Variants in ARPC5L observed in about 807,000 individuals in gnomAD.
ARPC5L encodes the protein actin-related protein 2/3 complex subunit 5-like protein.
A neutral mutation model predicts 16.9 loss-of-function variants in ARPC5L; 4 were observed. The observed-to-expected ratio is 0.24, with a 90% confidence interval of 0.12 to 0.54. ARPC5L has a LOEUF of 0.54. ARPC5L is among the 20% of genes least tolerant of loss of function. ARPC5L has a pLI of 0.95. For missense variants in ARPC5L, 151 were observed against 201.9 expected, an observed-to-expected ratio of 0.75 and a Z score of 1.53; for synonymous variants, 78 against 82.6, an observed-to-expected ratio of 0.94 and a Z score of 0.30.
At chr9:124,868,076 G>T (rs897077735) in intron 2 of ARPC5L, among the ~76,000 whole-genome samples, 1 of 152,020 alleles carries the variant, frequency 6.6e-6, no homozygotes, top group Non-Finnish European at 1.5e-5. Context: ...CCAAAGTGCT[G>T]AGGATTACAG....
chr9:124,866,956 G>C (rs1485278075), intron 2 of ARPC5L, among the ~76,000 whole-genome samples: 1 of 152,078 alleles, frequency 6.6e-6, no homozygotes, highest in African/African-American at 2.4e-5. Flanking sequence ...TGTCCCATTT[G>C]AATTAAGACT....
Position 124,867,416 on chromosome 9 carries a change from A to C in ARPC5L, c.-863-1012A>C, listed in dbSNP as rs111889736. On this transcript the variant is annotated intron_variant, in intron 2 of 5. Coordinates refer to ENST00000353214, the MANE Select transcript of ARPC5L (RefSeq NM_030978.3). ...GGGCCTCCCAAAGTGCTGGGATTAC[A>C]GGTGTGAGCCACTGCGCCCGGCCAG... Among the ~76,000 whole-genome samples the C allele has an allele frequency of 3.3e-5, 5 of 152,278 alleles. 1 individual carries two copies. Among genetic ancestry groups the C allele is most frequent in the African/African-American group, 1.2e-4 (5 of 41,568 alleles).
intron 2 of ARPC5L, among the ~76,000 whole-genome samples, chr9:124,866,699 T>G (rs74456192): frequency 0.031 from 4,639 of 152,084 alleles, 220 homozygotes; most frequent in East Asian, 0.23. Context: ...GCCTGGGCAA[T>G]AAGAGCAAAA....
At chr9:124,870,350 T>C (rs964626692) in intron 3 of ARPC5L, among the ~76,000 whole-genome samples, 1 of 152,178 alleles carries the variant, frequency 6.6e-6, no homozygotes, top group South Asian at 2.1e-4. Flanking sequence ...AACTGACTTA[T>C]TCTCACCGGA....
intron 5 of ARPC5L, among the ~76,000 whole-genome samples, chr9:124,875,495 C>T (rs1024761859): frequency 1.3e-5 from 2 of 152,180 alleles, no homozygotes; most frequent in Non-Finnish European, 2.9e-5. Context: ...GTTGGGGCTT[C>T]ATGATACTTG....
At chr9:124,863,422 C>CA (rs1391045273) in intron 1 of ARPC5L, among the ~76,000 whole-genome samples, 5 of 152,164 alleles carry the variant, frequency 3.3e-5, no homozygotes, top group Admixed American at 2.0e-4. Context: ...ACTGGGATTA[C>CA]AGGTGTGAGC....
In ARPC5L at chr9:124,876,131, T is replaced by C. The variant is rs565780688; in HGVS notation, c.400-747T>C. ...ACTTTGGGAGGCTGAGGCAGGAGGA[T>C]TGCTGGAGCCCAGGAGTTCAAGAAC... On this transcript the variant is annotated intron_variant, in intron 5 of 5. Transcript: ENST00000353214. 4.7e-5 allele frequency among the ~76,000 whole-genome samples: 7 copies of C among 149,340 alleles called. No individual in the cohort carries two copies. In the South Asian group the frequency reaches 1.5e-3, roughly 32 times the overall value.
intron 3 of ARPC5L, among the ~76,000 whole-genome samples, chr9:124,871,843 A>G (rs1999590): frequency 0.017 from 2,526 of 152,228 alleles, 71 homozygotes; most frequent in African/African-American, 0.058. Flanking sequence ...GCAGAGGCCT[A>G]TGACACACAG....
chr9:124,871,697 G>C (rs1434513771), intron 3 of ARPC5L, among the ~76,000 whole-genome samples: 1 of 152,194 alleles, frequency 6.6e-6, no homozygotes, highest in African/African-American at 2.4e-5. Context: ...CTTCAGTGAA[G>C]CAGCTTCTAT....
In ARPC5L at chr9:124,877,263, G is replaced by A. The variant is rs1333605116; in HGVS notation, c.*323G>A. The A allele has an allele frequency of 7.3e-6, 2 of 274,890 alleles. No individual in the cohort carries two copies. The highest frequency in any genetic ancestry group is 1.4e-5 in the Non-Finnish European group (2 of 147,164). 17.0% of individuals were successfully genotyped at this position (274,890 alleles called of 1,614,324 possible). A position where few individuals can be genotyped will look rare whatever the true frequency, so the allele number is the denominator to read the frequency against. On this transcript the variant is annotated 3_prime_UTR_variant, in exon 6 of 6. Transcript: ENST00000353214. The stretch of plus-strand genomic sequence containing the variant: ...ATGGTTTGGGCAGGTGCAGATCCAA[G>A]GGCTGTGGTAAACGGGAGAGCTTGT...
intron 2 of ARPC5L, among the ~76,000 whole-genome samples, chr9:124,867,386 C>T (rs1829284603): frequency 2.6e-5 from 4 of 152,112 alleles, no homozygotes; most frequent in Non-Finnish European, 5.9e-5. Flanking sequence ...GGTGATCTGC[C>T]CCCTGGGCCT....
rs558039256 is a variant in ARPC5L at position 124,869,232 on chromosome 9, G to C, written c.-59G>C. Reference sequence around the variant, plus strand: ...CCCCGAGCAGGAGCCGGTGCGAGCGGAGCAGAGCCGAGGTCGGGCCGCGAG... The same window carrying C: ...CCCCGAGCAGGAGCCGGTGCGAGCGCAGCAGAGCCGAGGTCGGGCCGCGAG... On this transcript the variant is annotated 5_prime_UTR_variant, in exon 3 of 6. Coordinates refer to ENST00000353214, the MANE Select transcript of ARPC5L (RefSeq NM_030978.3). The C allele has an allele frequency of 3.4e-6, 5 of 1,463,250 alleles. No individual in the cohort carries two copies. The highest frequency in any genetic ancestry group is 2.9e-5 in the East Asian group (1 of 33,908). 90.6% of individuals were successfully genotyped at this position (1,463,250 alleles called of 1,614,324 possible).
chr9:124,864,128 G>A (rs1252626787), intron 2 of ARPC5L, 21 bp downstream of exon 2: 1 of 152,146 alleles, frequency 6.6e-6, no homozygotes, highest in Non-Finnish European at 1.5e-5. Context: ...CTTTCAGGAG[G>A]TGGAGGGATA....
chr9:124,863,248 G>A (rs545556132), intron 1 of ARPC5L, among the ~76,000 whole-genome samples: 5 of 152,140 alleles, frequency 3.3e-5, no homozygotes, highest in Admixed American at 2.6e-4. Flanking sequence ...TCCACCTCCC[G>A]GGTTCAAGAG....
intron 2 of ARPC5L, among the ~76,000 whole-genome samples, chr9:124,865,377 T>A (rs1233643282): frequency 6.6e-6 from 1 of 152,046 alleles, no homozygotes; most frequent in East Asian, 1.9e-4. Flanking sequence ...TGTTATATTT[T>A]TAAATGCTTA....
chr9:124,869,498 C>A, intron 3 of ARPC5L, 59 bp downstream of exon 3: 1 of 1,405,240 alleles, frequency 7.1e-7, no homozygotes, highest in South Asian at 1.5e-5. Flanking sequence ...TTCCCACCTT[C>A]CCACCTTCTC....
Position 124,862,400 on chromosome 9 carries a change from A to T in ARPC5L, c.-984+2A>T, listed in dbSNP as rs10986468. On this transcript the variant is annotated splice_donor_variant, in intron 1 of 5. Coordinates refer to ENST00000353214, the MANE Select transcript of ARPC5L (RefSeq NM_030978.3). LOFTEE classifies it low-confidence loss of function (5UTR_SPLICE). ...TTAACCGAGGCTCACGTCGCGGAGG[A>T]ATTTAAAGCGCGAGATGGACGGGAG... The T allele has an allele frequency of 0.34, 52,977 of 155,750 alleles. 9,760 individuals are homozygous for T. Among genetic ancestry groups the T allele is most frequent in the Middle Eastern group, 0.45 (138 of 308 alleles). 9.6% of individuals were successfully genotyped at this position (155,750 alleles called of 1,614,324 possible).
chr9:124,871,906 T>C (rs1244902381), intron 3 of ARPC5L, among the ~76,000 whole-genome samples: 2 of 152,146 alleles, frequency 1.3e-5, no homozygotes, highest in African/African-American at 4.8e-5. Flanking sequence ...TGTGCCGTGA[T>C]TGAGGAAGAT....
intron 2 of ARPC5L, among the ~76,000 whole-genome samples, chr9:124,867,737 C>G (rs1402697988): frequency 6.6e-6 from 1 of 151,968 alleles, no homozygotes; most frequent in Non-Finnish European, 1.5e-5. Context: ...AATATTTTTT[C>G]CCAGATATGG....
Sources: allele counts gnomAD v4.1 joint callset (sites outside exome capture counted in the v4.1 genomes callset), GRCh38; gene constraint gnomAD v4.1.1; transcripts MANE v1.5; gene names NCBI Gene and HGNC (gene_info 2026-07-23, HGNC 2026-07-21).